Variants in ZNF236 observed in about 807,000 individuals in gnomAD.
ZNF236 encodes regulated by glucose.
Under a neutral mutation model 191.2 loss-of-function variants are expected in ZNF236, and 50 were observed. That is an observed-to-expected ratio of 0.26 (90% confidence interval 0.21 to 0.33). The LOEUF is 0.33. Among genes scored for constraint, ZNF236 ranks in the 10% least tolerant of loss-of-function variants. The probability of loss-of-function intolerance (pLI) is 1.00; values close to 1 mark genes in which losing one functional copy is unlikely to be tolerated. For synonymous variants in ZNF236, 907 were observed against 928.8 expected, an observed-to-expected ratio of 0.98 and a Z score of 0.43; for missense variants, 1,754 against 2,374.5, an observed-to-expected ratio of 0.74 and a Z score of 5.43.
intron 10 of ZNF236, among the ~76,000 whole-genome samples, chr18:76,897,400 C>T (rs942272458): frequency 4.6e-5 from 7 of 150,824 alleles, no homozygotes; most frequent in East Asian, 2.0e-4. Flanking sequence ...CACAGTACTG[C>T]GCTCAGGTAC....
chr18:76,871,666 C>G, intron 4 of ZNF236, 35 bp from the exon 5 acceptor site: 2 of 1,612,514 alleles, frequency 1.2e-6, no homozygotes, highest in Non-Finnish European at 1.7e-6. Flanking sequence ...AGGGAGACAT[C>G]TTACTGTGTA....
intron 25 of ZNF236, among the ~76,000 whole-genome samples, chr18:76,928,860 CCTTA>C (rs1483759723): frequency 2.0e-5 from 3 of 151,574 alleles, no homozygotes; most frequent in Non-Finnish European, 4.4e-5. Context: ...TTTTTAGAGC[CCTTA>C]CTATGTGCTT....
Position 76,880,288 on chromosome 18 carries a change from C to T in ZNF236, c.1160C>T (p.Thr387Ile), listed in dbSNP as rs1976853092. Residue 387 changes from threonine (T) to isoleucine (I), a missense_variant, in exon 8 of 31, where the codon ACA becomes ATA. By Grantham distance (89) the Thr-to-Ile change is moderately conservative (BLOSUM62 -1). Around this residue, in one of 5 missense-constraint regions of ZNF236, gnomAD observed 336 missense variants for 495.1 expected, o/e 0.68. Coordinates refer to ENST00000320610, the MANE Select transcript of ZNF236 (RefSeq NM_001306089.2). The surrounding 1 kb of genome is among the most constrained non-coding windows in gnomAD (Gnocchi z 5.0). ...SPQPGQQLSI[T>I]VGINQDILQQ... ...CAGCCTGGGCAGCAGCTGAGCATCACAGTGGGCATCAACCAGGACATTTTA... is the reference window on the plus strand; with the variant it reads ...CAGCCTGGGCAGCAGCTGAGCATCATAGTGGGCATCAACCAGGACATTTTA... The T allele has an allele frequency of 6.2e-7, 1 of 1,613,642 alleles. No homozygotes were observed. The highest frequency in any genetic ancestry group is 8.5e-7 in the Non-Finnish European group (1 of 1,179,722).
Position 76,969,617 on chromosome 18 carries a change from TA to T in ZNF236, c.*1279del, listed in dbSNP as rs1289262311. The T allele has an allele frequency of 6.6e-6, 1 of 152,632 alleles. No individual in the cohort carries two copies. The highest frequency in any genetic ancestry group is 1.5e-5 in the Non-Finnish European group (1 of 68,030). 9.5% of individuals were successfully genotyped at this position (152,632 alleles called of 1,614,324 possible). A position where few individuals can be genotyped will look rare whatever the true frequency, so the allele number is the denominator to read the frequency against. On this transcript the variant is annotated 3_prime_UTR_variant, in exon 31 of 31. Coordinates refer to ENST00000320610, the MANE Select transcript of ZNF236 (RefSeq NM_001306089.2). Reference sequence around the variant, plus strand: ...TTCATTGTCATATAAAGCTGGGTTTTATTTTTTTTTCCTGAAAAATAATTGC... The same window carrying T: ...TTCATTGTCATATAAAGCTGGGTTTTTTTTTTTTTCCTGAAAAATAATTGC...
At chr18:76,845,589 G>A (rs1327569743) in intron 1 of ZNF236, among the ~76,000 whole-genome samples, 8 of 152,122 alleles carry the variant, frequency 5.3e-5, no homozygotes, top group African/African-American at 1.9e-4. Context: ...GGTGGCTCAT[G>A]CCTGTAATCC....
At chr18:76,832,246 A>AT (rs763411272) in intron 1 of ZNF236, among the ~76,000 whole-genome samples, 6 of 151,918 alleles carry the variant, frequency 3.9e-5, no homozygotes, top group Admixed American at 1.3e-4. Flanking sequence ...CACTTGGCTA[A>AT]TTTTTTGTAT....
chr18:76,909,022 A>T (rs1384638775), intron 14 of ZNF236, among the ~76,000 whole-genome samples: 1 of 151,694 alleles, frequency 6.6e-6, no homozygotes, highest in Non-Finnish European at 1.5e-5. Flanking sequence ...ATGCGTATAT[A>T]ATTATACAAA....
chr18:76,837,127 T>TCCCCCCCCCCCCCCCC (rs57114708), intron 1 of ZNF236, among the ~76,000 whole-genome samples: 16 of 37,064 alleles, frequency 4.3e-4, no homozygotes, highest in Non-Finnish European at 5.4e-4. Flanking sequence ...CCGCACCCCC[T>TCCCCCCCCCCCCCCCC]CCCCCCCCCC....
chr18:76,935,953 C>T (rs1254421039), intron 25 of ZNF236: 2 of 456,598 alleles, frequency 4.4e-6, no homozygotes. Context: ...GCCTCCCAGC[C>T]TGCTAATGGT....
At chr18:76,904,593 G>T in intron 12 of ZNF236, 72 bp downstream of exon 12, 1 of 1,407,312 alleles carries the variant, frequency 7.1e-7, no homozygotes, top group Non-Finnish European at 9.5e-7. Flanking sequence ...ACGTCTAGAA[G>T]TATTTAGGAT....
intron 9 of ZNF236, among the ~76,000 whole-genome samples, chr18:76,882,299 G>C (rs77111910): frequency 0.016 from 2,410 of 152,268 alleles, 29 homozygotes; most frequent in Middle Eastern, 0.02. Context: ...GATGGACTCT[G>C]AGGGGTGCTT....
intron 1 of ZNF236, among the ~76,000 whole-genome samples, chr18:76,832,834 A>G (rs73485076): frequency 0.045 from 6,797 of 152,130 alleles, 453 homozygotes; most frequent in African/African-American, 0.15. Flanking sequence ...TGTCTTTACA[A>G]TCTTGAGTCT....
intron 20 of ZNF236, among the ~76,000 whole-genome samples, chr18:76,922,662 T>A: frequency 6.6e-6 from 1 of 152,092 alleles, no homozygotes; most frequent in Non-Finnish European, 1.5e-5. Context: ...GTTCAAGCGA[T>A]TCTCCTGTCT....
Position 76,878,139 on chromosome 18 carries a change from C to T in ZNF236, c.971C>T (p.Ala324Val). 6.2e-7 allele frequency: 1 copy of T among 1,608,658 alleles called. No individual in the cohort carries two copies. Among genetic ancestry groups the T allele is most frequent in the African/African-American group, 1.3e-5 (1 of 74,940 alleles). Reference sequence around the variant, plus strand: ...AATTCAACAAGTTCTACAGAGACTGCTCATGTTTTAACGGTAAGTTTAGTA... The same window carrying T: ...AATTCAACAAGTTCTACAGAGACTGTTCATGTTTTAACGGTAAGTTTAGTA... ...PQNSTSSTET[A>V]HVLTATLFQT... The change falls in exon 7 of 31, where the codon GCT becomes GTT. Residue 324 changes from alanine to valine, a missense_variant. By Grantham distance (64) the Ala-to-Val change is moderately conservative (BLOSUM62 0). Transcript: ENST00000320610.
chr18:76,925,689 A>G lies in ZNF236; in HGVS notation c.4027+135A>G, dbSNP rs937870358. 7.8e-6 allele frequency: 10 copies of G among 1,276,722 alleles called. No individual in the cohort carries two copies. Among genetic ancestry groups the G allele is most frequent in the Non-Finnish European group, 1.0e-5 (10 of 957,600 alleles). 79.1% of individuals were successfully genotyped at this position (1,276,722 alleles called of 1,614,324 possible). On this transcript the variant is annotated intron_variant, in intron 22 of 30. Transcript: ENST00000320610. This position sits in a 1 kb window ranked among gnomAD's most constrained non-coding sequence, Gnocchi z 5.7. ...CCCTTCTTTGAGCCTTTTCCTTATAAGGCATTCGGAAAAATTGGAATTCCG... is the reference window on the plus strand; with the variant it reads ...CCCTTCTTTGAGCCTTTTCCTTATAGGGCATTCGGAAAAATTGGAATTCCG...
At position 76,873,476 on chromosome 18, in the gene ZNF236, A is replaced by C. The variant is rs377730083; in HGVS notation, c.667+1651A>C. On this transcript the variant is annotated intron_variant, in intron 5 of 30. Transcript: ENST00000320610. ...GGAGAGAGCAGCAGGTCCCAGCCCCAGGAGTCACGTAGGCCGGTGTGGTTT... is the reference window on the plus strand; with the variant it reads ...GGAGAGAGCAGCAGGTCCCAGCCCCCGGAGTCACGTAGGCCGGTGTGGTTT... 3.3e-5 allele frequency among the ~76,000 whole-genome samples: 5 copies of C among 152,294 alleles called. No individual in the cohort carries two copies. In the East Asian group the frequency reaches 5.8e-4, roughly 18 times the overall value.
intron 25 of ZNF236, among the ~76,000 whole-genome samples, chr18:76,929,488 A>G (rs1967793287): frequency 6.6e-6 from 1 of 152,216 alleles, no homozygotes; most frequent in South Asian, 2.1e-4. Flanking sequence ...TACATAGTGC[A>G]TGGTTCTTGC....
intron 15 of ZNF236, 69 bp from the exon 16 acceptor site, chr18:76,910,591 C>G: frequency 1.2e-5 from 18 of 1,478,894 alleles, no homozygotes; most frequent in South Asian, 2.5e-5. Flanking sequence ...AATTTATAAA[C>G]CTTTTCTTAG....
intron 27 of ZNF236, among the ~76,000 whole-genome samples, chr18:76,950,555 T>A (rs1046075880): frequency 6.6e-6 from 1 of 152,088 alleles, no homozygotes; most frequent in Non-Finnish European, 1.5e-5. Context: ...ATTGCAGCAA[T>A]TCAGTCATCT....
Sources: allele counts gnomAD v4.1 joint callset (sites outside exome capture counted in the v4.1 genomes callset), GRCh38; gene constraint gnomAD v4.1.1; regional missense constraint gnomAD v4.1.1; non-coding constraint Gnocchi (gnomAD v3.1); transcripts MANE v1.5; gene names NCBI Gene and HGNC (gene_info 2026-07-23, HGNC 2026-07-21).